The following LRPPRC variants were observed in gnomAD, a reference collection of about 807,000 sequenced individuals.
LRPPRC encodes the protein leucine rich pentatricopeptide repeat containing.
Under a neutral mutation model 180.3 loss-of-function variants are expected in LRPPRC, and 120 were observed. The observed-to-expected ratio is 0.67, with a 90% CI of 0.57 to 0.77. The LOEUF is 0.77. LRPPRC is among the 30% of genes least tolerant of loss of function. LRPPRC has a pLI of 0.00. For synonymous variants in LRPPRC, 723 were observed against 600.0 expected (o/e 1.21, Z -3.00); for missense variants, 2,012 against 1,657.2 (o/e 1.21, Z -3.72).
At chr2:43,948,636 A>T (rs1672786055) in intron 16 of LRPPRC, 118 bp from the exon 17 acceptor site, 2 of 699,486 alleles carry the variant, frequency 2.9e-6, no homozygotes, top group Non-Finnish European at 5.3e-6. Context: ...GAGGCTCTGA[A>T]ATGGCAACAA....
chr2:43,954,015 GA>G (rs1390186615), intron 14 of LRPPRC, among the ~76,000 whole-genome samples: 2 of 151,994 alleles, frequency 1.3e-5, no homozygotes, highest in African/African-American at 2.4e-5. Flanking sequence ...ATTTTGAAAA[GA>G]AAAAAACTCA....
At chr2:43,968,693 CA>C (rs1262016336) in intron 11 of LRPPRC, among the ~76,000 whole-genome samples, 1 of 152,154 alleles carries the variant, frequency 6.6e-6, no homozygotes, top group Non-Finnish European at 1.5e-5. Context: ...CTCACAGAAG[CA>C]GAAAGTAGGA....
intron 31 of LRPPRC, chr2:43,903,349 A>T (rs1291616802): frequency 6.6e-6 from 1 of 152,206 alleles, no homozygotes; most frequent in Non-Finnish European, 1.5e-5. Context: ...AATATTCACC[A>T]ACAGTAAAAT....
intron 25 of LRPPRC, among the ~76,000 whole-genome samples, chr2:43,933,044 A>C (rs962526623): frequency 1.2e-4 from 19 of 152,214 alleles, no homozygotes; most frequent in African/African-American, 4.6e-4. Context: ...TACTTTCAGA[A>C]GCGAATGTGG....
At chr2:43,988,048 C>G (rs947048494) in intron 1 of LRPPRC, among the ~76,000 whole-genome samples, 1 of 151,916 alleles carries the variant, frequency 6.6e-6, no homozygotes, top group Non-Finnish European at 1.5e-5. Context: ...CGAGACCAGC[C>G]CGGCCAACAT....
chr2:43,995,279 C>T (rs572376919), intron 1 of LRPPRC, among the ~76,000 whole-genome samples: 1 of 152,188 alleles, frequency 6.6e-6, no homozygotes, highest in Non-Finnish European at 1.5e-5. Context: ...CAGGCAAAAG[C>T]CCAAAGTGAT....
At chr2:43,943,623 C>T (rs1162008486) in intron 23 of LRPPRC, 64 bp downstream of exon 23, 1 of 1,357,532 alleles carries the variant, frequency 7.4e-7, no homozygotes, top group Non-Finnish European at 1.1e-6. Flanking sequence ...AAAGTATAAT[C>T]CGAAAATTAT....
At chr2:43,892,583 G>A (rs986342987) in intron 36 of LRPPRC, 1 of 152,140 alleles carries the variant, frequency 6.6e-6, no homozygotes, top group Non-Finnish European at 1.5e-5. Context: ...AGCTCTGAAG[G>A]AGATATACAG....
chr2:43,986,612 TAA>T (rs1030682742), intron 1 of LRPPRC, among the ~76,000 whole-genome samples: 5 of 152,210 alleles, frequency 3.3e-5, no homozygotes, highest in African/African-American at 1.2e-4. Flanking sequence ...GAGAAAATTA[TAA>T]CTTACAAATG....
chr2:43,979,456 C>T (rs150993497), intron 3 of LRPPRC, among the ~76,000 whole-genome samples: 1 of 152,240 alleles, frequency 6.6e-6, no homozygotes, highest in African/African-American at 2.4e-5. Context: ...CAATTTCTTA[C>T]TATTACAAAC....
chr2:43,918,192 G>C (rs1671545961), intron 28 of LRPPRC, 59 bp from the exon 29 acceptor site: 1 of 1,592,130 alleles, frequency 6.3e-7, no homozygotes. Flanking sequence ...TATAAAAGTA[G>C]GCTAATCTAT....
intron 25 of LRPPRC, among the ~76,000 whole-genome samples, chr2:43,933,055 A>G (rs1672147392): frequency 6.6e-6 from 1 of 152,186 alleles, no homozygotes; most frequent in African/African-American, 2.4e-5. Context: ...GCGAATGTGG[A>G]AGAAAAATTA....
chr2:43,950,450 C>A (rs954953566), intron 15 of LRPPRC, 123 bp downstream of exon 15: 34 of 846,752 alleles, frequency 4.0e-5, no homozygotes, highest in Non-Finnish European at 1.4e-5. Flanking sequence ...AACATTAACT[C>A]TGCCAGCAAA....
chr2:43,987,253 G>C, intron 1 of LRPPRC, among the ~76,000 whole-genome samples: 1 of 151,984 alleles, frequency 6.6e-6, no homozygotes, highest in South Asian at 2.1e-4. Flanking sequence ...CCAGCACTTA[G>C]GGGAGGCCGA....
At chr2:43,921,952 A>T (rs1671714440) in intron 27 of LRPPRC, among the ~76,000 whole-genome samples, 1 of 152,252 alleles carries the variant, frequency 6.6e-6, no homozygotes, top group Non-Finnish European at 1.5e-5. Context: ...ATAGACTACT[A>T]TACAAAGAAA....
At chr2:43,935,765 C>T (rs998308964) in intron 23 of LRPPRC, among the ~76,000 whole-genome samples, 1 of 151,952 alleles carries the variant, frequency 6.6e-6, no homozygotes, top group East Asian at 1.9e-4. Flanking sequence ...ATAAAATTCA[C>T]AGGTAATATA....
intron 7 of LRPPRC, 116 bp downstream of exon 7, chr2:43,974,975 C>G: frequency 8.8e-7 from 1 of 1,136,740 alleles, no homozygotes; most frequent in Non-Finnish European, 1.3e-6. Flanking sequence ...ATACTACTTT[C>G]TGCAAGGAAA....
At chr2:43,995,558 G>C (rs1049754101) in intron 1 of LRPPRC, among the ~76,000 whole-genome samples, 1 of 152,230 alleles carries the variant, frequency 6.6e-6, no homozygotes. Flanking sequence ...CCAGGCTGAA[G>C]TGGCGGGGGC....
intron 11 of LRPPRC, among the ~76,000 whole-genome samples, chr2:43,972,116 A>G (rs1673845935): frequency 6.6e-6 from 1 of 152,228 alleles, no homozygotes; most frequent in Non-Finnish European, 1.5e-5. Flanking sequence ...AGTATAAAAA[A>G]GGATATTTTA....
Sources: gnomAD v4.1 joint callset for allele counts (sites outside exome capture counted in the v4.1 genomes callset) on GRCh38, gnomAD v4.1.1 for gene constraint, MANE v1.5 for transcripts, NCBI Gene and HGNC (gene_info 2026-07-23, HGNC 2026-07-21) for gene names.